Variants in UNC5D observed in about 807,000 individuals in gnomAD.
UNC5D encodes the protein netrin receptor UNC5D.
Under a neutral mutation model 105.4 loss-of-function variants are expected in UNC5D, and 39 were observed. The ratio of observed to expected loss-of-function variants is 0.37; its 90% CI spans 0.29 to 0.48. UNC5D has a LOEUF of 0.48. UNC5D is among the 20% of genes least tolerant of loss of function. The probability of loss-of-function intolerance (pLI) is 0.98; values close to 1 mark genes in which losing one functional copy is unlikely to be tolerated. For missense variants in UNC5D, 991 were observed against 1,202.4 expected, an observed-to-expected ratio of 0.82 and a Z score of 2.60; for synonymous variants, 452 against 450.4, an observed-to-expected ratio of 1.00 and a Z score of -0.04.
At chr8:35,390,652 A>T (rs1011870705) in intron 1 of UNC5D, among the ~76,000 whole-genome samples, 3 of 152,316 alleles carry the variant, frequency 2.0e-5, no homozygotes, top group Non-Finnish European at 4.4e-5. Flanking sequence ...TGTTGGTAAC[A>T]CTCTGGCGTT....
At chr8:35,668,465 TAGTC>T (rs1028768587) in intron 4 of UNC5D, among the ~76,000 whole-genome samples, 37 of 152,162 alleles carry the variant, frequency 2.4e-4, no homozygotes, top group Non-Finnish European at 2.1e-4. Context: ...GAACTTTTAA[TAGTC>T]AGTCTTTATG....
intron 1 of UNC5D, among the ~76,000 whole-genome samples, chr8:35,323,188 CTTTTTTTTTT>C (rs67076001): frequency 2.4e-5 from 3 of 125,926 alleles, no homozygotes; most frequent in Non-Finnish European, 4.9e-5. Context: ...TTTTCTTTTT[CTTTTTTTTTT>C]TTTTTTTTTC....
intron 1 of UNC5D, among the ~76,000 whole-genome samples, chr8:35,548,203 C>T (rs1291459577): frequency 6.6e-6 from 1 of 152,140 alleles, no homozygotes; most frequent in Non-Finnish European, 1.5e-5. Context: ...TCCTTCCATC[C>T]AATCAAGTTG....
intron 6 of UNC5D, among the ~76,000 whole-genome samples, chr8:35,685,995 G>A (rs1010860710): frequency 5.3e-5 from 8 of 152,170 alleles, no homozygotes; most frequent in Admixed American, 2.0e-4. Flanking sequence ...TCTACATACA[G>A]CAGCAGTCCA....
At chr8:35,375,413 A>G (rs571293460) in intron 1 of UNC5D, among the ~76,000 whole-genome samples, 3 of 152,330 alleles carry the variant, frequency 2.0e-5, no homozygotes, top group Non-Finnish European at 2.9e-5. Context: ...CAAATTCTAC[A>G]TGGGGAAATC....
At chr8:35,433,585 T>G (rs1262654717) in intron 1 of UNC5D, among the ~76,000 whole-genome samples, 2 of 152,154 alleles carry the variant, frequency 1.3e-5, no homozygotes, top group Non-Finnish European at 2.9e-5. Flanking sequence ...GACTAGAATA[T>G]GAACATAAAT....
chr8:35,786,030 C>G (rs1802727680), intron 16 of UNC5D, among the ~76,000 whole-genome samples: 1 of 152,150 alleles, frequency 6.6e-6, no homozygotes, highest in Non-Finnish European at 1.5e-5. Context: ...GACCCCTCCT[C>G]TACATTCTGT....
At chr8:35,687,441 C>CAAAAAA (rs34104800) in intron 7 of UNC5D, among the ~76,000 whole-genome samples, 1 of 53,076 alleles carries the variant, frequency 1.9e-5, no homozygotes, top group African/African-American at 6.8e-5. Context: ...GACTCCGTCT[C>CAAAAAA]AAAAAAAAAA....
intron 1 of UNC5D, among the ~76,000 whole-genome samples, chr8:35,344,598 C>T (rs533166352): frequency 6.6e-6 from 1 of 152,118 alleles, no homozygotes; most frequent in South Asian, 2.1e-4. Context: ...TCTTTGTAAA[C>T]TGTTTAATGG....
chr8:35,323,195 T>C (rs79369226), intron 1 of UNC5D, among the ~76,000 whole-genome samples: 3 of 62,334 alleles, frequency 4.8e-5, no homozygotes, highest in African/African-American at 1.1e-4. Flanking sequence ...TTTCTTTTTT[T>C]TTTTTTTTTT....
chr8:35,546,759 G>A (rs1815714488), intron 1 of UNC5D, among the ~76,000 whole-genome samples: 1 of 152,050 alleles, frequency 6.6e-6, no homozygotes, highest in Non-Finnish European at 1.5e-5. Context: ...AAATTAATAT[G>A]TGATTTATTT....
intron 2 of UNC5D, among the ~76,000 whole-genome samples, chr8:35,555,939 G>T (rs1044570843): frequency 6.7e-6 from 1 of 148,712 alleles, no homozygotes; most frequent in African/African-American, 2.5e-5. Context: ...AAAGAAACCT[G>T]AGGTTAGCCT....
intron 3 of UNC5D, among the ~76,000 whole-genome samples, chr8:35,587,821 A>G (rs1182698775): frequency 6.6e-6 from 1 of 151,764 alleles, no homozygotes; most frequent in East Asian, 1.9e-4. Context: ...TTTGGTGGCT[A>G]TGAAAGTAAT....
intron 4 of UNC5D, among the ~76,000 whole-genome samples, chr8:35,645,032 T>C (rs571393485): frequency 3.9e-5 from 6 of 152,298 alleles, no homozygotes; most frequent in African/African-American, 1.4e-4. Context: ...CAGACAATCA[T>C]AGCGACTTTT....
chr8:35,259,505 G>T (rs57257764), intron 1 of UNC5D, among the ~76,000 whole-genome samples: 7 of 152,192 alleles, frequency 4.6e-5, no homozygotes, highest in African/African-American at 1.7e-4. Flanking sequence ...TGGACTCCAG[G>T]GTGCTATATA....
intron 1 of UNC5D, among the ~76,000 whole-genome samples, chr8:35,495,455 C>CAAA (rs1417671723): frequency 6.2e-5 from 2 of 32,410 alleles, no homozygotes; most frequent in East Asian, 8.2e-4. Flanking sequence ...ACAACAACAA[C>CAAA]AACAAAAAAA....
intron 1 of UNC5D, among the ~76,000 whole-genome samples, chr8:35,236,562 TCTGG>T (rs1202201923): frequency 1.4e-5 from 2 of 145,048 alleles, no homozygotes; most frequent in Non-Finnish European, 3.0e-5. Flanking sequence ...CGGCGCCTAC[TCTGG>T]CTTGGAAGCG....
intron 1 of UNC5D, among the ~76,000 whole-genome samples, chr8:35,360,326 G>A (rs1273920403): frequency 1.3e-5 from 2 of 152,138 alleles, no homozygotes; most frequent in Non-Finnish European, 2.9e-5. Context: ...ATTCATACTA[G>A]AAGCTTTCAT....
At position 35,538,399 on chromosome 8, in the gene UNC5D, ATATATATATATATATAT is replaced by A. The variant is rs1563514004; in HGVS notation, c.104-10892_104-10876del. 4.9e-3 allele frequency among the ~76,000 whole-genome samples: 114 copies of A among 23,488 alleles called. 1 individual carries two copies. Among genetic ancestry groups the A allele is most frequent in the African/African-American group, 0.041 (99 of 2,442 alleles). 15.4% of individuals were successfully genotyped at this position (23,488 alleles called of 152,430 possible). A position where few individuals can be genotyped will look rare whatever the true frequency, so the allele number is the denominator to read the frequency against. On this transcript the variant is annotated intron_variant, in intron 1 of 16. Coordinates refer to ENST00000404895, the MANE Select transcript of UNC5D (RefSeq NM_080872.4). ...TCGTGATTTAAAAAAAAATAATTAT[ATATATATATATATATAT>A]ATATATATATATATATATATATATG...
Sources: gnomAD v4.1 joint callset for allele counts (sites outside exome capture counted in the v4.1 genomes callset) on GRCh38, gnomAD v4.1.1 for gene constraint, MANE v1.5 for transcripts, NCBI Gene and HGNC (gene_info 2026-07-23, HGNC 2026-07-21) for gene names.